KANSL1: variants seen among roughly 807,000 people sequenced by gnomAD.
KANSL1 encodes KAT8 regulatory NSL complex subunit 1, also known as MLL1/MLL complex subunit KANSL1.
KANSL1 carries 22 observed loss-of-function variants against 103.6 expected under a neutral mutation model. The observed-to-expected ratio is 0.21, with a 90% CI of 0.15 to 0.30. The LOEUF (loss-of-function observed/expected upper bound fraction) is 0.30, where lower values mean the gene tolerates loss of function less well. Ranked by LOEUF, KANSL1 falls within the 10% of genes least tolerant of loss-of-function variation. KANSL1 has a pLI of 1.00. For synonymous variants in KANSL1, 600 were observed against 527.6 expected (o/e 1.14, Z -1.88); for missense variants, 1,337 against 1,399.8 (o/e 0.96, Z 0.72).
chr17:46,185,598 C>T (rs1297232309), intron 1 of KANSL1, among the ~76,000 whole-genome samples: 1 of 143,514 alleles, frequency 7.0e-6, no homozygotes, highest in Admixed American at 6.9e-5. Flanking sequence ...AACTGGAATA[C>T]AAAAAAAAAA....
At chr17:46,173,998 A>G (rs1359540320) in intron 1 of KANSL1, among the ~76,000 whole-genome samples, 1 of 152,240 alleles carries the variant, frequency 6.6e-6, no homozygotes. Context: ...ATTATTTGAA[A>G]CCTGCTTCAC....
chr17:46,047,817 A>C (rs1358361322), intron 7 of KANSL1, among the ~76,000 whole-genome samples: 2 of 133,212 alleles, frequency 1.5e-5, no homozygotes, highest in East Asian at 3.9e-4. Flanking sequence ...AAAAAAAAAA[A>C]ACAAAAAAAA....
intron 1 of KANSL1, among the ~76,000 whole-genome samples, chr17:46,217,416 C>T (rs2048374476): frequency 6.6e-6 from 1 of 151,326 alleles, no homozygotes; most frequent in Non-Finnish European, 1.5e-5. Context: ...GAGGAGGTTG[C>T]AGTAAGCTGA....
At chr17:46,122,427 A>G (rs2043322222) in intron 2 of KANSL1, among the ~76,000 whole-genome samples, 1 of 152,240 alleles carries the variant, frequency 6.6e-6, no homozygotes, top group South Asian at 2.1e-4. Context: ...AAATACTTAA[A>G]CAAGTATTCA....
At chr17:46,126,435 C>T (rs1267980575) in intron 2 of KANSL1, among the ~76,000 whole-genome samples, 1 of 147,956 alleles carries the variant, frequency 6.8e-6, no homozygotes, top group Non-Finnish European at 1.5e-5. Context: ...AGAGTAACTA[C>T]GTCTCAAAAA....
intron 6 of KANSL1, among the ~76,000 whole-genome samples, chr17:46,059,950 CA>C (rs1429134601): frequency 6.6e-6 from 1 of 151,886 alleles, no homozygotes; most frequent in Non-Finnish European, 1.5e-5. Flanking sequence ...GGGAGGGGGA[CA>C]AAAAACAAAC....
intron 2 of KANSL1, among the ~76,000 whole-genome samples, chr17:46,153,733 T>A (rs914610063): frequency 3.5e-4 from 53 of 151,986 alleles, no homozygotes; most frequent in African/African-American, 1.2e-3. Context: ...TTTGAAGAAA[T>A]GAGAAGCACC....
chr17:46,055,338 G>A (rs1340007579), intron 6 of KANSL1, among the ~76,000 whole-genome samples: 10 of 151,608 alleles, frequency 6.6e-5, no homozygotes, highest in Admixed American at 2.6e-4. Flanking sequence ...GGTGGCGGGC[G>A]CCTGTAATCC....
At chr17:46,121,794 G>C (rs1425853501) in intron 2 of KANSL1, among the ~76,000 whole-genome samples, 1 of 152,168 alleles carries the variant, frequency 6.6e-6, no homozygotes, top group East Asian at 1.9e-4. Flanking sequence ...TGGGGGTTTT[G>C]TCCCAATAAA....
At chr17:46,137,418 T>C (rs1225589215) in intron 2 of KANSL1, among the ~76,000 whole-genome samples, 1 of 152,236 alleles carries the variant, frequency 6.6e-6, no homozygotes, top group East Asian at 1.9e-4. Context: ...ATGATTTAGT[T>C]AGCATCCTCA....
chr17:46,158,969 A>G (rs2045585155), intron 2 of KANSL1, among the ~76,000 whole-genome samples: 1 of 152,162 alleles, frequency 6.6e-6, no homozygotes, highest in African/African-American at 2.4e-5. Flanking sequence ...TCCACTCAGA[A>G]CCTTACGCTC....
chr17:46,038,439 C>T (rs1431498034), intron 10 of KANSL1, 99 bp downstream of exon 10: 2 of 1,305,050 alleles, frequency 1.5e-6, no homozygotes, highest in East Asian at 4.9e-5. Context: ...TATAAATGCC[C>T]TGGGCTTTAT....
At chr17:46,082,650 T>C in intron 3 of KANSL1, 108 bp from the exon 4 acceptor site, 1 of 569,798 alleles carries the variant, frequency 1.8e-6, no homozygotes, top group Non-Finnish European at 3.1e-6. Context: ...GGCCCCCTCT[T>C]CCTCACCCTA....
chr17:46,058,498 T>C (rs2078009657), intron 6 of KANSL1, among the ~76,000 whole-genome samples: 1 of 152,216 alleles, frequency 6.6e-6, no homozygotes, highest in South Asian at 2.1e-4. Flanking sequence ...GGGAAAATTA[T>C]TAATTGGATT....
intron 2 of KANSL1, among the ~76,000 whole-genome samples, chr17:46,135,162 A>G (rs1302501272): frequency 4.0e-5 from 6 of 151,640 alleles, no homozygotes; most frequent in Non-Finnish European, 5.9e-5. Context: ...ACTTGGGGAA[A>G]AAAAAAAGCC....
chr17:46,219,126 T>C (rs992907737), intron 1 of KANSL1, among the ~76,000 whole-genome samples: 1 of 151,578 alleles, frequency 6.6e-6, no homozygotes, highest in African/African-American at 2.4e-5. Context: ...TAGCTGGCCA[T>C]GGTGACAGGT....
intron 1 of KANSL1, among the ~76,000 whole-genome samples, chr17:46,206,084 A>C (rs2668666): frequency 0.11 from 9,088 of 86,018 alleles, 9 homozygotes; most frequent in Non-Finnish European, 0.17. Context: ...TGTGTCCCCC[A>C]AAAAAAAAAA....
At chr17:46,147,625 G>C (rs1308485765) in intron 2 of KANSL1, among the ~76,000 whole-genome samples, 1 of 146,460 alleles carries the variant, frequency 6.8e-6, no homozygotes, top group African/African-American at 2.5e-5. Context: ...GGCAGAGAGA[G>C]AGAGAAAGAT....
chr17:46,126,170 C>T (rs750361845), intron 2 of KANSL1, among the ~76,000 whole-genome samples: 13 of 152,014 alleles, frequency 8.6e-5, no homozygotes, highest in African/African-American at 2.4e-4. Context: ...AAGTAAAAGT[C>T]GGCCGGGCAC....
Sources: gnomAD v4.1 joint callset for allele counts (sites outside exome capture counted in the v4.1 genomes callset) on GRCh38, gnomAD v4.1.1 for gene constraint, MANE v1.5 for transcripts, NCBI Gene and HGNC (gene_info 2026-07-23, HGNC 2026-07-21) for gene names.